Variants in TMEM232 observed in about 807,000 individuals in gnomAD.
TMEM232 encodes transmembrane protein 232.
A neutral mutation model predicts 78.8 loss-of-function variants in TMEM232; 80 were observed. That is an observed-to-expected ratio of 1.01 (90% CI 0.85 to 1.22). The LOEUF is 1.22. Ranked by LOEUF, TMEM232 falls within the 50% of genes most tolerant of loss-of-function variation. The pLI, the probability that TMEM232 is intolerant of heterozygous loss-of-function variation, is 0.00. For missense variants in TMEM232, 881 were observed against 742.2 expected, an observed-to-expected ratio of 1.19 and a Z score of -2.17; for synonymous variants, 297 against 254.3, an observed-to-expected ratio of 1.17 and a Z score of -1.60.
chr5:110,424,611 T>C (rs565467425), intron 13 of TMEM232, among the ~76,000 whole-genome samples: 39 of 152,266 alleles, frequency 2.6e-4, no homozygotes, highest in African/African-American at 9.1e-4. Context: ...GTTAGTATTT[T>C]ACAAATGACA....
At chr5:110,496,675 A>G (rs1217756489) in intron 12 of TMEM232, among the ~76,000 whole-genome samples, 2 of 152,024 alleles carry the variant, frequency 1.3e-5, no homozygotes, top group Non-Finnish European at 2.9e-5. Context: ...GCTCATAAGG[A>G]GAAACAGATA....
intron 1 of TMEM232, among the ~76,000 whole-genome samples, chr5:110,716,137 T>A (rs549665602): frequency 6.6e-6 from 1 of 152,110 alleles, no homozygotes; most frequent in Non-Finnish European, 1.5e-5. Context: ...CTTGGGCACA[T>A]ATTCTTAGGG....
intron 12 of TMEM232, among the ~76,000 whole-genome samples, chr5:110,442,305 C>A (rs1227497561): frequency 1.3e-5 from 2 of 151,918 alleles, no homozygotes; most frequent in East Asian, 3.9e-4. Flanking sequence ...TACTCATTCC[C>A]TTTTATTCTT....
chr5:110,395,063 C>T (rs1181736183), intron 3 of TMEM232, among the ~76,000 whole-genome samples: 1 of 152,150 alleles, frequency 6.6e-6, no homozygotes, highest in Non-Finnish European at 1.5e-5. Context: ...TTGTCTCACT[C>T]CTAACTGTAG....
exon 5 of TMEM232, chr5:110,387,893 C>T (rs1273557453): frequency 2.6e-5 from 4 of 152,132 alleles, no homozygotes; most frequent in African/African-American, 9.7e-5. Flanking sequence ...CTATCCATCA[C>T]CAGCTTTACT....
intron 2 of TMEM232, among the ~76,000 whole-genome samples, chr5:110,400,522 A>C (rs985962401): frequency 1.3e-5 from 2 of 152,194 alleles, no homozygotes; most frequent in African/African-American, 4.8e-5. Flanking sequence ...CAGATTAAAA[A>C]AATATAAGAC....
chr5:110,626,662 A>C (rs1561411708), intron 6 of TMEM232, among the ~76,000 whole-genome samples: 2 of 151,962 alleles, frequency 1.3e-5, no homozygotes. Flanking sequence ...ATAGTTCACA[A>C]TTTTTGCCTT....
chr5:110,528,910 T>A lies in TMEM232; in HGVS notation c.1456-75A>T, dbSNP rs184486972. On this transcript the variant is annotated intron_variant, in intron 11 of 13. Transcript: ENST00000455884. ...GAAAAAAAATCGTGTATTATTAAAT[T>A]TTTTAAAGTATCTTTATTTTCTTTG... 11,059 of 1,175,682 alleles carry A rather than the reference T, an allele frequency of 9.4e-3. 62 individuals are homozygous for A. Among genetic ancestry groups the A allele is most frequent in the Non-Finnish European group, 0.011 (9,976 of 929,196 alleles). The allele number at this position is 1,175,682 out of a possible 1,614,324, so 72.8% of individuals were successfully genotyped here.
chr5:110,568,405 A>T, intron 11 of TMEM232, 42 bp downstream of exon 11: 3 of 1,470,548 alleles, frequency 2.0e-6, no homozygotes, highest in Non-Finnish European at 2.7e-6. Context: ...CGTGCTTCCT[A>T]ATGATAGATG....
chr5:110,523,968 G>GA (rs1167941672), intron 12 of TMEM232, among the ~76,000 whole-genome samples: 6 of 94,638 alleles, frequency 6.3e-5, no homozygotes, highest in Non-Finnish European at 1.1e-4. Context: ...AAAAAAAAAG[G>GA]GGGGGGGGCG....
At chr5:110,411,704 A>G (rs1347493818) in intron 2 of TMEM232, among the ~76,000 whole-genome samples, 1 of 152,184 alleles carries the variant, frequency 6.6e-6, no homozygotes, top group Non-Finnish European at 1.5e-5. Flanking sequence ...TCTTTTCATA[A>G]TAGTCTTATT....
At chr5:110,398,603 G>T (rs1755479056) in intron 2 of TMEM232, among the ~76,000 whole-genome samples, 1 of 152,114 alleles carries the variant, frequency 6.6e-6, no homozygotes, top group Non-Finnish European at 1.5e-5. Context: ...TGTGCTATAT[G>T]CTCAATGAGA....
At chr5:110,665,831 G>C (rs573031718) in intron 2 of TMEM232, among the ~76,000 whole-genome samples, 16 of 143,026 alleles carry the variant, frequency 1.1e-4, no homozygotes, top group African/African-American at 3.6e-4. Context: ...AAGGAGTGCC[G>C]ATCACTTGAG....
rs1772131558 is a variant in TMEM232, at chr5:110,535,087, G to GT, written c.1456-6253dup. Among the ~76,000 whole-genome samples, 5 of 151,904 alleles carry GT rather than the reference G, an allele frequency of 3.3e-5. No homozygotes were observed. The South Asian group carries it at 8.3e-4, about 25-fold the overall frequency. ...TGTCCCAACACTTTACCACTATTTC[G>GT]TTTTTTCTTATTAATATAAGAAGAT... On this transcript the variant is annotated intron_variant, in intron 11 of 13. Transcript: ENST00000455884.
At chr5:110,517,522 G>A (rs1768852566) in intron 12 of TMEM232, among the ~76,000 whole-genome samples, 1 of 152,198 alleles carries the variant, frequency 6.6e-6, no homozygotes, top group South Asian at 2.1e-4. Context: ...TCACCAAGCT[G>A]TAGCTCCATT....
chr5:110,634,956 G>A (rs1785602709), intron 5 of TMEM232, among the ~76,000 whole-genome samples: 1 of 151,782 alleles, frequency 6.6e-6, no homozygotes, highest in African/African-American at 2.4e-5. Context: ...ACTAACCAAG[G>A]AAAGAAGAGA....
At chr5:110,702,530 C>A (rs1332241440) in intron 1 of TMEM232, among the ~76,000 whole-genome samples, 1 of 152,030 alleles carries the variant, frequency 6.6e-6, no homozygotes, top group Non-Finnish European at 1.5e-5. Context: ...TACTCTTACT[C>A]TCTCATCCAC....
intron 13 of TMEM232, 31 bp from the exon 14 acceptor site, chr5:110,420,787 ATTT>A: frequency 6.7e-7 from 1 of 1,483,550 alleles, no homozygotes; most frequent in Non-Finnish European, 8.8e-7. Context: ...CATTCACATG[ATTT>A]TCCATGAAAA....
At chr5:110,564,447 A>G (rs1021817507) in intron 11 of TMEM232, among the ~76,000 whole-genome samples, 1 of 151,994 alleles carries the variant, frequency 6.6e-6, no homozygotes, top group Non-Finnish European at 1.5e-5. Flanking sequence ...TCAGAGCTAG[A>G]AAAACCAAGA....
Sources: gnomAD v4.1 joint callset for allele counts (sites outside exome capture counted in the v4.1 genomes callset) on GRCh38, gnomAD v4.1.1 for gene constraint, MANE v1.5 for transcripts, NCBI Gene and HGNC (gene_info 2026-07-23, HGNC 2026-07-21) for gene names.